The following TRPV3 variants were observed in gnomAD, a reference collection of about 807,000 sequenced individuals.
TRPV3 encodes VRL-3.
In TRPV3, 88 loss-of-function variants were observed where a neutral mutation model predicts 87.1. The ratio of observed to expected loss-of-function variants is 1.01; its 90% CI spans 0.85 to 1.21. TRPV3 has a LOEUF of 1.21. Ranked by LOEUF, TRPV3 falls within the 50% of genes most tolerant of loss-of-function variation. TRPV3 has a pLI of 0.00. For missense variants in TRPV3, 1,054 were observed against 1,030.1 expected (o/e 1.02, Z -0.32); for synonymous variants, 438 against 423.3 (o/e 1.03, Z -0.43).
chr17:3,546,012 G>C, intron 2 of TRPV3, among the ~76,000 whole-genome samples: 1 of 143,960 alleles, frequency 6.9e-6, no homozygotes, highest in East Asian at 2.1e-4. Context: ...AAAAAAGAAA[G>C]AAAACAGGGA....
rs150103535 is a variant in TRPV3, at chr17:3,525,674, C to T, written c.1577+1180G>A. On this transcript the variant is annotated intron_variant, in intron 12 of 17. Transcript: ENST00000576742. ...TCACTCTGTCGCCCAGGCTGGAGTA[C>T]AGTGGCATGATCTCGGCTCACTGCA... Among the ~76,000 whole-genome samples, 822 of 149,930 alleles carry T rather than the reference C, an allele frequency of 5.5e-3. 23 individuals carry two copies. In the East Asian group the frequency reaches 0.083, roughly 15 times the overall value.
At chr17:3,515,272 C>CA (rs2150777606) in intron 16 of TRPV3, among the ~76,000 whole-genome samples, 1 of 152,262 alleles carries the variant, frequency 6.6e-6, no homozygotes, top group East Asian at 1.9e-4. Flanking sequence ...CGGTTTCAGT[C>CA]AGAGAAGTGG....
At chr17:3,536,591 AAAAC>A (rs975479924) in intron 6 of TRPV3, among the ~76,000 whole-genome samples, 9 of 152,104 alleles carry the variant, frequency 5.9e-5, no homozygotes, top group East Asian at 5.8e-4. Flanking sequence ...TCCATCTCAA[AAAAC>A]AAACAAACAA....
At position 3,530,522 on chromosome 17, in the gene TRPV3, C is replaced by T. The variant is rs954556891; in HGVS notation, c.1066-319G>A. Among the ~76,000 whole-genome samples the T allele has an allele frequency of 6.6e-6, 1 of 152,162 alleles. No individual in the cohort carries two copies. The highest frequency in any genetic ancestry group is 1.5e-5 in the Non-Finnish European group (1 of 68,024). On this transcript the variant is annotated intron_variant, in intron 8 of 17. Transcript: ENST00000576742. The surrounding 1 kb of genome is among the most constrained non-coding windows in gnomAD (Gnocchi z 4.0). ...CTGGGGACCCGGTTCGGTGAAAAAT[C>T]CAGGCACTGATGATTTTTTAGAAAC...
chr17:3,554,569 C>T, intron 2 of TRPV3, 163 bp downstream of exon 2: 1 of 606,188 alleles, frequency 1.6e-6, no homozygotes. Flanking sequence ...CTGTGCTCCC[C>T]ACCGCACCAT....
chr17:3,533,565 CT>C (rs2074371321), intron 7 of TRPV3, among the ~76,000 whole-genome samples: 1 of 147,742 alleles, frequency 6.8e-6, no homozygotes, highest in South Asian at 2.1e-4. Flanking sequence ...GTGGTGCGAT[CT>C]CGCCTCACTG....
intron 6 of TRPV3, among the ~76,000 whole-genome samples, chr17:3,538,059 G>A (rs938038266): frequency 2.6e-4 from 39 of 151,768 alleles, no homozygotes; most frequent in African/African-American, 6.0e-4. Context: ...TTAGGCGGGC[G>A]TGATGGTGAG....
intron 2 of TRPV3, chr17:3,553,036 A>G (rs989427306): frequency 1.3e-5 from 2 of 152,206 alleles, no homozygotes; most frequent in East Asian, 3.9e-4. Context: ...ACATTTCACA[A>G]CTGAATTTGG....
chr17:3,512,925 G>C lies in TRPV3; in HGVS notation c.*992C>G, dbSNP rs1597461209. 1 of 152,042 alleles carries C rather than the reference G, an allele frequency of 6.6e-6. No individual in the cohort carries two copies. The allele number at this position is 152,042 out of a possible 1,614,324, so 9.4% of individuals were successfully genotyped here. A position where few individuals can be genotyped will look rare whatever the true frequency, so the allele number is the denominator to read the frequency against. ...GCTGAGTTCCAAGATGATATCGATCGAGCAGCTGCTATTTCTGCTTCAGCG... is the reference window on the plus strand; with the variant it reads ...GCTGAGTTCCAAGATGATATCGATCCAGCAGCTGCTATTTCTGCTTCAGCG... On this transcript the variant is annotated 3_prime_UTR_variant, in exon 18 of 18. Coordinates refer to ENST00000576742, the MANE Select transcript of TRPV3 (RefSeq NM_145068.4).
At chr17:3,524,941 A>G (rs1274112194) in intron 12 of TRPV3, among the ~76,000 whole-genome samples, 1 of 152,194 alleles carries the variant, frequency 6.6e-6, no homozygotes, top group Non-Finnish European at 1.5e-5. Context: ...AAAATGACAA[A>G]AACTGCCAAT....
intron 12 of TRPV3, among the ~76,000 whole-genome samples, chr17:3,525,143 C>T (rs1050835421): frequency 2.0e-5 from 3 of 151,838 alleles, no homozygotes; most frequent in Admixed American, 6.6e-5. Flanking sequence ...CCTCAGCCTC[C>T]CTAGTAGCTG....
At chr17:3,550,304 G>C (rs967157117) in intron 2 of TRPV3, among the ~76,000 whole-genome samples, 2 of 151,926 alleles carry the variant, frequency 1.3e-5, no homozygotes, top group South Asian at 4.2e-4. Flanking sequence ...CCTACTCAAG[G>C]CCTTCTCCCA....
rs985399189 is a variant in TRPV3, at chr17:3,557,517, C to T, written c.-3+159G>A. ...GCAGCCAAGAGTGCCTCCCTACAGC[C>T]AAGAGTGGGCCCCTGGCTGGGGCCC... On this transcript the variant is annotated intron_variant, in intron 1 of 17. Transcript: ENST00000576742. This position sits in a 1 kb window ranked among gnomAD's most constrained non-coding sequence, Gnocchi z 4.5. 3.3e-5 allele frequency among the ~76,000 whole-genome samples: 5 copies of T among 152,328 alleles called. No individual in the cohort carries two copies. The East Asian group carries it at 9.7e-4, about 29-fold the overall frequency.
chr17:3,524,268 C>T lies in TRPV3; in HGVS notation c.1673G>A (p.Gly558Asp). ...CGTATAGTAGAGCATGTTCGCCCAG[C>T]CCAGGGCCATGGCCAGCACGAGGCA... ...LACLVLAMAL[G>D]WANMLYYTRG... Residue 558 changes from glycine (G) to aspartate (D), a missense_variant, in exon 13 of 18, where the codon GGC becomes GAC. Physicochemically the swap from Gly to Asp is moderately conservative, Grantham distance 94. Transcript: ENST00000576742. 8.1e-6 allele frequency: 13 copies of T among 1,614,222 alleles called. No individual in the cohort carries two copies. The highest frequency in any genetic ancestry group is 1.0e-5 in the Non-Finnish European group (12 of 1,180,026).
rs929701976 is a variant in TRPV3, at chr17:3,518,598, C to T, written c.2063G>A (p.Ser688Asn). ...CACCTGCAGGCGCCAGATGCGTTCG[C>T]TCTCCTTGGAGACGTTCTCCACAGT... is the stretch of plus-strand genomic sequence containing the variant. ...GETVENVSKESERIWRLQRAR... is the reference protein window; with the variant it reads ...GETVENVSKENERIWRLQRAR... Residue 688 changes from serine to asparagine, a missense_variant, in exon 15 of 18, where the codon AGC becomes AAC. Transcript: ENST00000576742. This position sits in a 1 kb window ranked among gnomAD's most constrained non-coding sequence, Gnocchi z 4.3. 26 of 1,561,368 alleles carry T rather than the reference C, an allele frequency of 1.7e-5. No individual in the cohort carries two copies. In the Admixed American group the frequency reaches 1.7e-4, roughly 10 times the overall value.
chr17:3,549,474 T>G (rs1313235038), intron 2 of TRPV3, among the ~76,000 whole-genome samples: 1 of 152,244 alleles, frequency 6.6e-6, no homozygotes, highest in African/African-American at 2.4e-5. Flanking sequence ...ACAGTTGAAT[T>G]ATCCTTGATT....
rs2074505678 is a variant in TRPV3, at chr17:3,544,658, C to T, written c.232G>A (p.Gly78Ser). ...GGGGAGTCCATGTCATCACAGTTAC[C>T]AGAGATGCTGGAGGTGTTGGCAGGG... The part of the protein sequence containing the change: ...MDSNIRQCIS[G>S]NCDDMDSPQS... Residue 78 changes from glycine (G) to serine (S), a missense_variant, in exon 4 of 18, where the codon GGT becomes AGT. Physicochemically the swap from Gly to Ser is moderately conservative, Grantham distance 56. Coordinates refer to ENST00000576742, the MANE Select transcript of TRPV3 (RefSeq NM_145068.4). 1.2e-6 allele frequency: 2 copies of T among 1,608,804 alleles called. No individual in the cohort carries two copies. The highest frequency in any genetic ancestry group is 1.3e-5 in the African/African-American group (1 of 74,776).
chr17:3,520,207 A>G (rs2074234415), intron 14 of TRPV3, among the ~76,000 whole-genome samples: 1 of 152,176 alleles, frequency 6.6e-6, no homozygotes, highest in African/African-American at 2.4e-5. Context: ...CGTGGGGGAA[A>G]ATGATATCTC....
rs1374320282 is a variant in TRPV3 at position 3,542,523 on chromosome 17, T to C, written c.642A>G (p.Glu214=). Residue 214 remains glutamate (E), a splice_region_variant and synonymous_variant, in exon 6 of 18, where the codon GAA becomes GAG. Transcript: ENST00000576742. ...INAEYTEEAY[E]GQTALNIAIE... ...ACAGCCCCTCTGCAGGCAGGATACC[T>C]TCATAGGCCTCCTCTGTGTACTCGG... The C allele has an allele frequency of 6.2e-7, 1 of 1,613,166 alleles. No homozygotes were observed. Among genetic ancestry groups the C allele is most frequent in the East Asian group, 2.2e-5 (1 of 44,858 alleles).
Sources: gnomAD v4.1 joint callset for allele counts (sites outside exome capture counted in the v4.1 genomes callset) on GRCh38, gnomAD v4.1.1 for gene constraint, Gnocchi (gnomAD v3.1) non-coding constraint, MANE v1.5 for transcripts, NCBI Gene and HGNC (gene_info 2026-07-23, HGNC 2026-07-21) for gene names.